The following GPHN variants were observed in gnomAD, a reference collection of about 807,000 sequenced individuals.
GPHN encodes the protein gephyrin.
A neutral mutation model predicts 95.5 loss-of-function variants in GPHN; 17 were observed. The ratio of observed to expected loss-of-function variants is 0.18; its 90% CI spans 0.12 to 0.27. The LOEUF (loss-of-function observed/expected upper bound fraction) is 0.27. GPHN is among the 10% of genes least tolerant of loss of function. GPHN has a pLI of 1.00. For synonymous variants in GPHN, 320 were observed against 322.5 expected (o/e 0.99, Z 0.08); for missense variants, 660 against 978.1 (o/e 0.67, Z 4.34).
the GPHN span, among the ~76,000 whole-genome samples, chr14:67,324,527 C>T: frequency 6.6e-6 from 1 of 152,208 alleles, no homozygotes; most frequent in Middle Eastern, 3.4e-3. Context: ...TAAAGATAGT[C>T]ATTAAAAGCA....
chr14:66,625,761 TTTTG>T (rs1475837635), intron 1 of GPHN, among the ~76,000 whole-genome samples: 2 of 152,202 alleles, frequency 1.3e-5, no homozygotes, highest in African/African-American at 4.8e-5. Context: ...CCCAAATCCT[TTTTG>T]TTTGTTACTG....
At chr14:67,343,358 T>A in the GPHN span, 20 of 1,597,500 alleles carry the variant, frequency 1.3e-5, no homozygotes, top group East Asian at 3.8e-4. Context: ...CACCTCACAG[T>A]ACCTAATACT....
At chr14:67,011,209 T>G (rs1284039826) in intron 9 of GPHN, among the ~76,000 whole-genome samples, 1 of 152,148 alleles carries the variant, frequency 6.6e-6, no homozygotes, top group African/African-American at 2.4e-5. Context: ...TTTGATATAT[T>G]TTTAGGAAAC....
chr14:66,850,286 T>A (rs947509534), intron 4 of GPHN, among the ~76,000 whole-genome samples: 1 of 152,184 alleles, frequency 6.6e-6, no homozygotes, highest in African/African-American at 2.4e-5. Context: ...GGCAAACTCA[T>A]TTTTCTATAT....
chr14:67,407,024 G>A, the GPHN span, among the ~76,000 whole-genome samples: 1 of 152,166 alleles, frequency 6.6e-6, no homozygotes, highest in African/African-American at 2.4e-5. Flanking sequence ...GAAGGACGAG[G>A]GGCCCATAAG....
the GPHN span, among the ~76,000 whole-genome samples, chr14:67,604,367 C>A: frequency 2.0e-5 from 3 of 152,166 alleles, no homozygotes; most frequent in Admixed American, 2.0e-4. Flanking sequence ...TCTTTTATGG[C>A]TAGTGTTGTA....
At chr14:67,109,907 G>A (rs953019974) in intron 13 of GPHN, among the ~76,000 whole-genome samples, 3 of 152,100 alleles carry the variant, frequency 2.0e-5, no homozygotes, top group African/African-American at 7.2e-5. Flanking sequence ...CCAAGACACC[G>A]AATAGTCATT....
chr14:67,657,750 T>C, the GPHN span, among the ~76,000 whole-genome samples: 1 of 121,930 alleles, frequency 8.2e-6, no homozygotes, highest in East Asian at 2.5e-4. Flanking sequence ...TTTCTTTCTT[T>C]CTTTTTTTTT....
chr14:67,481,925 G>A, the GPHN span, among the ~76,000 whole-genome samples: 2 of 152,226 alleles, frequency 1.3e-5, no homozygotes, highest in East Asian at 3.8e-4. Flanking sequence ...GGACAGCCCA[G>A]GAACAGAAAT....
intron 17 of GPHN, among the ~76,000 whole-genome samples, chr14:67,129,897 A>T (rs551755027): frequency 1.3e-5 from 2 of 152,012 alleles, no homozygotes; most frequent in Non-Finnish European, 2.9e-5. Context: ...AGAAAGAAAG[A>T]AAGTCTTTAA....
chr14:66,630,302 ATGT>A (rs1280315935), intron 1 of GPHN, among the ~76,000 whole-genome samples: 23 of 152,286 alleles, frequency 1.5e-4, no homozygotes, highest in Non-Finnish European at 2.4e-4. Flanking sequence ...AAGGCAGGTA[ATGT>A]TGTTGAGATG....
chr14:67,674,989 A>C, the GPHN span, among the ~76,000 whole-genome samples: 11 of 152,126 alleles, frequency 7.2e-5, no homozygotes, highest in Admixed American at 5.9e-4. Context: ...TGCCAGGTTC[A>C]GCCCGCGCGG....
At chr14:67,674,002 C>A in the GPHN span, among the ~76,000 whole-genome samples, 1 of 152,196 alleles carries the variant, frequency 6.6e-6, no homozygotes, top group South Asian at 2.1e-4. Flanking sequence ...CTCTGTCAGT[C>A]TGGTGAAAAC....
chr14:67,030,208 A>G (rs1165649030), intron 10 of GPHN, among the ~76,000 whole-genome samples: 2 of 152,148 alleles, frequency 1.3e-5, no homozygotes, highest in Non-Finnish European at 2.9e-5. Flanking sequence ...TTACACAAGT[A>G]TCTCATACTC....
At chr14:67,387,235 AAAG>A in the GPHN span, 7 of 1,262,660 alleles carry the variant, frequency 5.5e-6, no homozygotes, top group Non-Finnish European at 7.7e-6. Flanking sequence ...CAAAACTTAC[AAAG>A]AAGTCAAAAG....
In GPHN at chr14:66,650,009, A is replaced by G. The variant is rs192896947; in HGVS notation, c.65-31098A>G. On this transcript the variant is annotated intron_variant, in intron 1 of 22. Transcript: ENST00000478722. ...CAGCTAACCCTACCCAAAATAAGTA[A>G]AAGCCAAACATCACTGGAGAGCTTC... is the stretch of plus-strand genomic sequence containing the variant. 2.9e-4 allele frequency among the ~76,000 whole-genome samples: 44 copies of G among 152,262 alleles called. 1 individual carries two copies. Among genetic ancestry groups the G allele is most frequent in the Admixed American group, 2.0e-3 (30 of 15,290 alleles).
At chr14:67,720,897 G>T in the GPHN span, 1 of 152,218 alleles carries the variant, frequency 6.6e-6, no homozygotes, top group African/African-American at 2.4e-5. Flanking sequence ...ACAAGCTCAA[G>T]CTAAGGTGAG....
At chr14:66,900,714 T>C (rs1197222437) in intron 5 of GPHN, among the ~76,000 whole-genome samples, 1 of 152,030 alleles carries the variant, frequency 6.6e-6, no homozygotes, top group Non-Finnish European at 1.5e-5. Flanking sequence ...CTGCAAATGA[T>C]AGGATTTCAT....
chr14:67,320,319 C>T, the GPHN span: 8 of 1,613,662 alleles, frequency 5.0e-6, no homozygotes, highest in Non-Finnish European at 6.8e-6. Context: ...CTTGATTGGT[C>T]CACAGAACTG....
Sources: allele counts gnomAD v4.1 joint callset (sites outside exome capture counted in the v4.1 genomes callset), GRCh38; gene constraint gnomAD v4.1.1; transcripts MANE v1.5; gene names NCBI Gene and HGNC (gene_info 2026-07-23, HGNC 2026-07-21).